MORC1: variants seen among roughly 807,000 people sequenced by gnomAD.
MORC1 encodes MORC family CW-type zinc finger 1.
In MORC1, 59 loss-of-function variants were observed where a neutral mutation model predicts 134.9. The observed-to-expected ratio is 0.44, with a 90% confidence interval of 0.35 to 0.54. MORC1 has a LOEUF of 0.54. Among genes scored for constraint, MORC1 ranks in the 20% least tolerant of loss-of-function variants. MORC1 has a pLI of 0.00. For synonymous variants in MORC1, 395 were observed against 391.7 expected (o/e 1.01, Z -0.10); for missense variants, 947 against 1,134.5 (o/e 0.83, Z 2.37).
chr3:109,105,481 C>T (rs1252246464), intron 3 of MORC1, among the ~76,000 whole-genome samples: 1 of 152,100 alleles, frequency 6.6e-6, no homozygotes, highest in Non-Finnish European at 1.5e-5. Flanking sequence ...CCAAATCGCA[C>T]CACTGCACTC....
chr3:108,996,286 G>GCGCGCACACACACACACACA lies in MORC1; in HGVS notation c.2187+4270_2187+4271insTGTGTGTGTGTGTGTGCGCG. On this transcript the variant is annotated intron_variant, in intron 21 of 27. Coordinates refer to ENST00000232603, the MANE Select transcript of MORC1 (RefSeq NM_014429.4). The stretch of plus-strand genomic sequence containing the variant: ...CATGTGCGCGTGCGTGCGCGCGCGC[G>GCGCGCACACACACACACACA]CACACACACACACACACACACAACT... 8.8e-3 allele frequency among the ~76,000 whole-genome samples: 1,293 copies of GCGCGCACACACACACACACA among 146,412 alleles called. 15 individuals carry two copies. The highest frequency in any genetic ancestry group is 0.03 in the African/African-American group (1,189 of 39,242).
intron 14 of MORC1, among the ~76,000 whole-genome samples, chr3:109,040,800 A>G (rs1167544231): frequency 6.8e-6 from 1 of 146,206 alleles, no homozygotes; most frequent in Non-Finnish European, 1.5e-5. Flanking sequence ...ACTGCACTCC[A>G]GACTGGCTGA....
chr3:109,105,625 G>A (rs958264544), intron 3 of MORC1, among the ~76,000 whole-genome samples: 24 of 149,978 alleles, frequency 1.6e-4, no homozygotes, highest in African/African-American at 5.9e-4. Context: ...TTTGCAGTAA[G>A]CTATGATCAC....
chr3:109,075,422 T>G (rs1425712215), intron 8 of MORC1, among the ~76,000 whole-genome samples: 1 of 152,142 alleles, frequency 6.6e-6, no homozygotes, highest in Non-Finnish European at 1.5e-5. Context: ...TCCTCTAGAG[T>G]TTTTATGGCT....
chr3:109,085,421 C>A (rs1484510439), intron 8 of MORC1, among the ~76,000 whole-genome samples: 2 of 151,934 alleles, frequency 1.3e-5, no homozygotes, highest in African/African-American at 2.4e-5. Context: ...GGCAAAATAC[C>A]AAATAATCTT....
chr3:109,111,225 G>T (rs1444520041), intron 2 of MORC1, among the ~76,000 whole-genome samples: 1 of 152,076 alleles, frequency 6.6e-6, no homozygotes, highest in Non-Finnish European at 1.5e-5. Context: ...CATGTTAATA[G>T]GAGTTTTCTC....
intron 8 of MORC1, among the ~76,000 whole-genome samples, chr3:109,085,227 A>AGG (rs1466199808): frequency 6.6e-6 from 1 of 151,782 alleles, no homozygotes; most frequent in Non-Finnish European, 1.5e-5. Flanking sequence ...AGAACTCAAA[A>AGG]GCAAAGGTAA....
At chr3:108,965,249 C>CAAATCAAAG (rs2107363803) in intron 26 of MORC1, among the ~76,000 whole-genome samples, 1 of 152,168 alleles carries the variant, frequency 6.6e-6, no homozygotes, top group East Asian at 1.9e-4. Context: ...TAAACCAAAA[C>CAAATCAAAG]AAATCAAAGA....
intron 14 of MORC1, among the ~76,000 whole-genome samples, chr3:109,044,563 A>C (rs998550177): frequency 2.0e-5 from 3 of 151,558 alleles, no homozygotes; most frequent in Non-Finnish European, 4.4e-5. Flanking sequence ...ACCTCAAAAA[A>C]AAAAAGGAAA....
At chr3:109,029,274 T>C (rs750602979) in intron 16 of MORC1, among the ~76,000 whole-genome samples, 4 of 152,210 alleles carry the variant, frequency 2.6e-5, no homozygotes, top group South Asian at 2.1e-4. Flanking sequence ...CTTCTATATA[T>C]ACAGCAACCC....
chr3:109,022,439 C>T (rs1948981079), intron 17 of MORC1, among the ~76,000 whole-genome samples: 1 of 152,174 alleles, frequency 6.6e-6, no homozygotes, highest in South Asian at 2.1e-4. Flanking sequence ...TGGGAATTGC[C>T]AGATTATACT....
At chr3:109,043,590 G>GAA (rs199867376) in intron 14 of MORC1, among the ~76,000 whole-genome samples, 1 of 149,596 alleles carries the variant, frequency 6.7e-6, no homozygotes, top group East Asian at 2.0e-4. Context: ...TCATCATAAT[G>GAA]AAAAAAAAAG....
chr3:109,036,164 A>G (rs1310182457), intron 14 of MORC1, among the ~76,000 whole-genome samples: 2 of 152,204 alleles, frequency 1.3e-5, no homozygotes, highest in Admixed American at 1.3e-4. Flanking sequence ...TGAATAAAGA[A>G]CTGACAAATT....
chr3:109,039,882 G>A (rs1949469194), intron 14 of MORC1, among the ~76,000 whole-genome samples: 1 of 152,068 alleles, frequency 6.6e-6, no homozygotes, highest in Non-Finnish European at 1.5e-5. Context: ...TAAGGGACTG[G>A]TGTCTTTTTT....
chr3:109,075,746 T>C (rs887147747), intron 8 of MORC1, among the ~76,000 whole-genome samples: 2 of 152,194 alleles, frequency 1.3e-5, no homozygotes, highest in African/African-American at 4.8e-5. Flanking sequence ...GCCTCCATTG[T>C]TCTTTTTGCC....
chr3:109,020,137 A>G (rs1365391783), intron 17 of MORC1, among the ~76,000 whole-genome samples: 1 of 152,110 alleles, frequency 6.6e-6, no homozygotes, highest in Non-Finnish European at 1.5e-5. Flanking sequence ...AATTGTATGA[A>G]CCTCAGGCTC....
chr3:108,971,496 T>C lies in MORC1; in HGVS notation c.2478-94A>G, dbSNP rs1039432760. 7.8e-6 allele frequency: 8 copies of C among 1,027,586 alleles called. No individual in the cohort carries two copies. In the Admixed American group the frequency reaches 1.8e-4, roughly 23 times the overall value. The allele number at this position is 1,027,586 out of a possible 1,614,324, so 63.7% of individuals were successfully genotyped here. A position where few individuals can be genotyped will look rare whatever the true frequency, so the allele number is the denominator to read the frequency against. On this transcript the variant is annotated intron_variant, in intron 24 of 27. Transcript: ENST00000232603. ...CTGGGTTTGTCTCCTGGGTATTAAA[T>C]ATCCTGGCAAAGATGAACATTAGTT...
At chr3:109,078,871 A>G (rs1467140409) in intron 8 of MORC1, among the ~76,000 whole-genome samples, 1 of 151,968 alleles carries the variant, frequency 6.6e-6, no homozygotes, top group Non-Finnish European at 1.5e-5. Flanking sequence ...CATGTCAACA[A>G]ACTGGAAAAT....
intron 20 of MORC1, among the ~76,000 whole-genome samples, chr3:109,003,883 AG>A (rs1948470099): frequency 1.3e-5 from 2 of 152,124 alleles, no homozygotes; most frequent in African/African-American, 4.8e-5. Flanking sequence ...CTGCCTTAGG[AG>A]GTAAGGATTT....
Sources: gnomAD v4.1 joint callset for allele counts (sites outside exome capture counted in the v4.1 genomes callset) on GRCh38, gnomAD v4.1.1 for gene constraint, MANE v1.5 for transcripts, NCBI Gene and HGNC (gene_info 2026-07-23, HGNC 2026-07-21) for gene names.